Variants in SPTB observed in about 807,000 individuals in gnomAD.
SPTB encodes the protein spectrin beta, erythrocytic.
SPTB carries 45 observed loss-of-function variants against 256.2 expected under a neutral mutation model. That is an observed-to-expected ratio of 0.18 (90% CI 0.14 to 0.23). The LOEUF is 0.23. Ranked by LOEUF, SPTB falls within the 10% of genes least tolerant of loss-of-function variation. SPTB has a pLI of 1.00. For synonymous variants in SPTB, 1,231 were observed against 1,243.1 expected (o/e 0.99, Z 0.21); for missense variants, 2,715 against 3,040.4 (o/e 0.89, Z 2.52).
chr14:64,796,502 T>C lies in SPTB; in HGVS notation c.1341+55A>G. Reference sequence around the variant, plus strand: ...CTTGGACTCCAGCCCAGCCAAGAGCTGGGGGCTCTGAAGAATGTCCCCTCT... The same window carrying C: ...CTTGGACTCCAGCCCAGCCAAGAGCCGGGGGCTCTGAAGAATGTCCCCTCT... On this transcript the variant is annotated intron_variant, in intron 11 of 35. Coordinates refer to ENST00000644917, the MANE Select transcript of SPTB (RefSeq NM_001355436.2). The surrounding 1 kb of genome is among the most constrained non-coding windows in gnomAD (Gnocchi z 4.1). 1 of 1,612,470 alleles carries C rather than the reference T, an allele frequency of 6.2e-7. No individual in the cohort carries two copies. Among genetic ancestry groups the C allele is most frequent in the Non-Finnish European group, 8.5e-7 (1 of 1,179,370 alleles).
rs532353099 is a variant in SPTB at position 64,841,200 on chromosome 14, T to C, written c.-51-18055A>G. 5.1e-4 allele frequency among the ~76,000 whole-genome samples: 77 copies of C among 152,278 alleles called. 3 individuals carry two copies. The South Asian group carries it at 0.016, about 31-fold the overall frequency. ...ATCCCCATTTTATGGGTCAGGAAAC[T>C]GAGGCTTAGAGGGTTCAGTGACTTG... On this transcript the variant is annotated intron_variant, in intron 1 of 35. Coordinates refer to ENST00000644917, the MANE Select transcript of SPTB (RefSeq NM_001355436.2). The surrounding 1 kb of genome is among the most constrained non-coding windows in gnomAD (Gnocchi z 4.6).
intron 2 of SPTB, among the ~76,000 whole-genome samples, chr14:64,811,112 GA>G (rs949572182): frequency 1.0e-4 from 15 of 147,946 alleles, no homozygotes; most frequent in East Asian, 3.9e-4. Context: ...GACCCACCTC[GA>G]AAAAAAAAAG....
chr14:64,856,809 T>A (rs1349425843), intron 1 of SPTB, among the ~76,000 whole-genome samples: 1 of 152,218 alleles, frequency 6.6e-6, no homozygotes, highest in Admixed American at 6.5e-5. Context: ...AAGCCCCAAG[T>A]GTGGGAGAGC....
intron 1 of SPTB, among the ~76,000 whole-genome samples, chr14:64,872,797 G>A (rs1404797731): frequency 2.0e-5 from 3 of 152,182 alleles, no homozygotes; most frequent in Non-Finnish European, 2.9e-5. Context: ...TGCTGTTCTC[G>A]TGATAGTGAA....
Position 64,826,812 on chromosome 14 carries a change from G to A in SPTB, c.-51-3667C>T, listed in dbSNP as rs1214393216. 6.6e-6 allele frequency among the ~76,000 whole-genome samples: 1 copy of A among 152,034 alleles called. No individual in the cohort carries two copies. The stretch of plus-strand genomic sequence containing the variant: ...AGCAGCTCTAAATGCACAGTCCAGA[G>A]TCATCCTTACCTGCCTTCTGCCACC... On this transcript the variant is annotated intron_variant, in intron 1 of 35. Transcript: ENST00000644917. This position sits in a 1 kb window ranked among gnomAD's most constrained non-coding sequence, Gnocchi z 4.4.
intron 2 of SPTB, among the ~76,000 whole-genome samples, chr14:64,815,357 A>G (rs1279002968): frequency 6.6e-6 from 1 of 152,242 alleles, no homozygotes; most frequent in Non-Finnish European, 1.5e-5. Flanking sequence ...CGAGGGCTGC[A>G]GCCCAAGCAG....
chr14:64,804,561 G>T (rs544988248), intron 3 of SPTB, among the ~76,000 whole-genome samples: 1 of 152,116 alleles, frequency 6.6e-6, no homozygotes, highest in Non-Finnish European at 1.5e-5. Flanking sequence ...CACTTGCAAG[G>T]GTGGTAAAAC....
rs1042204478 is a variant in SPTB at position 64,759,506 on chromosome 14, C to A, written c.6346-5713G>T. Among the ~76,000 whole-genome samples the A allele has an allele frequency of 1.3e-5, 2 of 152,204 alleles. No homozygotes were observed. The highest frequency in any genetic ancestry group is 2.9e-5 in the Non-Finnish European group (2 of 68,040). ...ATAAGAGGGGATGAGGGGAGGCTGCCCCCCTGTAAGCAGGCCATGGTCTGA... is the reference window on the plus strand; with the variant it reads ...ATAAGAGGGGATGAGGGGAGGCTGCACCCCTGTAAGCAGGCCATGGTCTGA... On this transcript the variant is annotated intron_variant, in intron 32 of 35. Coordinates refer to ENST00000644917, the MANE Select transcript of SPTB (RefSeq NM_001355436.2). The surrounding 1 kb of genome is among the most constrained non-coding windows in gnomAD (Gnocchi z 4.8).
chr14:64,846,638 G>A (rs772136348), intron 1 of SPTB, among the ~76,000 whole-genome samples: 6 of 152,208 alleles, frequency 3.9e-5, no homozygotes, highest in African/African-American at 9.7e-5. Flanking sequence ...AGTGTCTCCC[G>A]CCTTCAAGGA....
chr14:64,858,233 A>G (rs1310847809), intron 1 of SPTB, among the ~76,000 whole-genome samples: 1 of 152,220 alleles, frequency 6.6e-6, no homozygotes, highest in Non-Finnish European at 1.5e-5. Flanking sequence ...ACGGTGCAGT[A>G]AACAGAGGGT....
At chr14:64,865,179 C>G (rs966667401) in intron 1 of SPTB, among the ~76,000 whole-genome samples, 2 of 152,028 alleles carry the variant, frequency 1.3e-5, no homozygotes, top group East Asian at 1.9e-4. Flanking sequence ...GTCTTACAGA[C>G]AGAGAAACCA....
At chr14:64,813,404 T>C (rs1299932124) in intron 2 of SPTB, among the ~76,000 whole-genome samples, 3 of 152,132 alleles carry the variant, frequency 2.0e-5, no homozygotes, top group African/African-American at 7.2e-5. Flanking sequence ...CTGAAAACAA[T>C]CATTTCATGG....
intron 2 of SPTB, among the ~76,000 whole-genome samples, chr14:64,812,429 C>T (rs990915902): frequency 6.6e-6 from 1 of 152,288 alleles, no homozygotes; most frequent in Admixed American, 6.5e-5. Flanking sequence ...GCATTGGCCC[C>T]TGGATGCAAA....
intron 2 of SPTB, among the ~76,000 whole-genome samples, chr14:64,808,804 A>T (rs2083034437): frequency 6.6e-6 from 1 of 152,166 alleles, no homozygotes; most frequent in African/African-American, 2.4e-5. Flanking sequence ...TGAATTCCAT[A>T]TCAGGTACAT....
At position 64,793,309 on chromosome 14, in the gene SPTB, T is replaced by C; in HGVS notation, c.2354A>G (p.His785Arg). The change falls in exon 14 of 36, where the codon CAC becomes CGC. Residue 785 changes from histidine (H) to arginine (R), a missense_variant. Physicochemically the swap from His to Arg is conservative, Grantham distance 29. Coordinates refer to ENST00000644917, the MANE Select transcript of SPTB (RefSeq NM_001355436.2). The surrounding 1 kb of genome is among the most constrained non-coding windows in gnomAD (Gnocchi z 7.0). Reference sequence around the variant, plus strand: ...CTCCAGCTCCTCCAGGAAGTCCTTGTGCTTTTTCCCCAGGGCCCGCGTGGC... The same window carrying C: ...CTCCAGCTCCTCCAGGAAGTCCTTGCGCTTTTTCCCCAGGGCCCGCGTGGC... ...EGATRALGKK[H>R]KDFLEELEES... 6.2e-7 allele frequency: 1 copy of C among 1,608,040 alleles called. No individual in the cohort carries two copies. Among genetic ancestry groups the C allele is most frequent in the Non-Finnish European group, 8.5e-7 (1 of 1,180,006 alleles).
chr14:64,765,904 T>A (rs954441128), intron 32 of SPTB, among the ~76,000 whole-genome samples: 1 of 147,334 alleles, frequency 6.8e-6, no homozygotes, highest in Non-Finnish European at 1.5e-5. Flanking sequence ...TGTGTGTGTG[T>A]GTGGGGGTGT....
In SPTB at chr14:64,772,200, C is replaced by T. The variant is rs35621884; in HGVS notation, c.5553+380G>A. On this transcript the variant is annotated intron_variant, in intron 26 of 35. Transcript: ENST00000644917. This position sits in a 1 kb window ranked among gnomAD's most constrained non-coding sequence, Gnocchi z 5.4. ...GTCTTCTACCTCTCCCTTTTCTCATCTACAAAGTGCAGGGAATATTAGTAG... is the reference window on the plus strand; with the variant it reads ...GTCTTCTACCTCTCCCTTTTCTCATTTACAAAGTGCAGGGAATATTAGTAG... Among the ~76,000 whole-genome samples the T allele has an allele frequency of 0.068, 10,341 of 152,268 alleles. 615 individuals are homozygous for T. The highest frequency in any genetic ancestry group is 0.16 in the African/African-American group (6,776 of 41,516).
chr14:64,798,446 C>G lies in SPTB; in HGVS notation c.1065-600G>C, dbSNP rs567473494. On this transcript the variant is annotated intron_variant, in intron 9 of 35. Transcript: ENST00000644917. ...AGGAGACAAGAATTGTCAGCAGGAT[C>G]GGTGTCTAGCATATGGGGTACAGGC... Among the ~76,000 whole-genome samples, 4 of 152,176 alleles carry G rather than the reference C, an allele frequency of 2.6e-5. No homozygotes were observed. In the East Asian group the frequency reaches 7.7e-4, roughly 29 times the overall value.
At chr14:64,766,325 G>A in intron 32 of SPTB, 1 of 1,118,216 alleles carries the variant, frequency 8.9e-7, no homozygotes, top group Non-Finnish European at 1.1e-6. Context: ...TGCAGGGGGT[G>A]AGTACTGCCT....
Sources: allele counts gnomAD v4.1 joint callset (sites outside exome capture counted in the v4.1 genomes callset), GRCh38; gene constraint gnomAD v4.1.1; non-coding constraint Gnocchi (gnomAD v3.1); transcripts MANE v1.5; gene names NCBI Gene and HGNC (gene_info 2026-07-23, HGNC 2026-07-21).